The following PTK2B variants were observed in gnomAD, a reference collection of about 807,000 sequenced individuals.
PTK2B encodes protein tyrosine kinase 2 beta.
A neutral mutation model predicts 142.9 loss-of-function variants in PTK2B; 71 were observed. That is an observed-to-expected ratio of 0.50 (90% confidence interval 0.41 to 0.61). PTK2B has a LOEUF of 0.61. PTK2B is among the 20% of genes least tolerant of loss of function. PTK2B has a pLI of 0.00. For synonymous variants in PTK2B, 519 were observed against 503.4 expected, an observed-to-expected ratio of 1.03 and a Z score of -0.42; for missense variants, 1,105 against 1,320.4, an observed-to-expected ratio of 0.84 and a Z score of 2.53.
chr8:27,396,975 C>CGT (rs1808089102), intron 1 of PTK2B, among the ~76,000 whole-genome samples: 1 of 152,190 alleles, frequency 6.6e-6, no homozygotes, highest in East Asian at 1.9e-4. Flanking sequence ...AGCCTCCCAC[C>CGT]CTGAAAGTTT....
intron 22 of PTK2B, among the ~76,000 whole-genome samples, chr8:27,443,381 G>T (rs1325604144): frequency 1.3e-5 from 2 of 152,208 alleles, no homozygotes; most frequent in African/African-American, 4.8e-5. Context: ...CTGCCATTAG[G>T]TGGGTGGGTC....
chr8:27,441,467 T>C (rs1029431212), intron 21 of PTK2B, among the ~76,000 whole-genome samples: 2 of 152,230 alleles, frequency 1.3e-5, no homozygotes, highest in Admixed American at 1.3e-4. Context: ...ATACTGATTT[T>C]AAATACTGTA....
upstream of PTK2B, among the ~76,000 whole-genome samples, chr8:27,321,426 G>A (rs1297284786): frequency 6.6e-6 from 1 of 152,164 alleles, no homozygotes; most frequent in East Asian, 1.9e-4. Flanking sequence ...GTAACAGAAA[G>A]GCCAAAATAA....
chr8:27,379,695 G>C (rs1806896214), intron 1 of PTK2B, among the ~76,000 whole-genome samples: 1 of 152,194 alleles, frequency 6.6e-6, no homozygotes, highest in African/African-American at 2.4e-5. Flanking sequence ...GCACATGCAA[G>C]TTAATTTACG....
chr8:27,433,958 T>C, intron 11 of PTK2B, 135 bp from the exon 12 acceptor site: 1 of 1,244,078 alleles, frequency 8.0e-7, no homozygotes. Flanking sequence ...CCTCACTAGC[T>C]CCCAGGCTAG....
chr8:27,321,876 T>A (rs1803225167), upstream of PTK2B, among the ~76,000 whole-genome samples: 1 of 152,234 alleles, frequency 6.6e-6, no homozygotes, highest in South Asian at 2.1e-4. Flanking sequence ...ACTCAACTTA[T>A]TTTGGCCTCA....
chr8:27,380,553 T>A (rs1029189721), intron 1 of PTK2B: 4 of 152,126 alleles, frequency 2.6e-5, no homozygotes, highest in African/African-American at 9.7e-5. Flanking sequence ...TTTCTCTTTT[T>A]ACCCAAGCGC....
upstream of PTK2B, among the ~76,000 whole-genome samples, chr8:27,320,980 C>CTTTTTTTTCT (rs1803199805): frequency 2.5e-5 from 1 of 39,398 alleles, no homozygotes; most frequent in African/African-American, 1.0e-4. Context: ...ATACAAAAGG[C>CTTTTTTTTCT]TTTTTTTTTT....
At chr8:27,370,013 G>T (rs1806253890) in intron 1 of PTK2B, among the ~76,000 whole-genome samples, 1 of 152,206 alleles carries the variant, frequency 6.6e-6, no homozygotes, top group South Asian at 2.1e-4. Context: ...GAGATTATCA[G>T]AGCTGGTCCA....
At chr8:27,318,168 C>T (rs1044343150) in intron 3 of PTK2B, among the ~76,000 whole-genome samples, 1 of 152,176 alleles carries the variant, frequency 6.6e-6, no homozygotes, top group Non-Finnish European at 1.5e-5. Context: ...GTTTTGAGGG[C>T]TCTTGCACAT....
chr8:27,392,208 T>G (rs1807767952), intron 1 of PTK2B, among the ~76,000 whole-genome samples: 1 of 152,166 alleles, frequency 6.6e-6, no homozygotes, highest in South Asian at 2.1e-4. Flanking sequence ...TGTTCTCATC[T>G]CTTCCCAACT....
At chr8:27,381,629 T>C (rs1462594407) in intron 1 of PTK2B, among the ~76,000 whole-genome samples, 1 of 152,218 alleles carries the variant, frequency 6.6e-6, no homozygotes, top group African/African-American at 2.4e-5. Flanking sequence ...AGATATCTCT[T>C]TGACATAATG....
chr8:27,362,176 G>A (rs1416143393), intron 1 of PTK2B, among the ~76,000 whole-genome samples: 10 of 152,154 alleles, frequency 6.6e-5, no homozygotes, highest in Admixed American at 3.3e-4. Flanking sequence ...CATCATCCTG[G>A]AGGCAGGGCT....
At chr8:27,361,519 C>G (rs1002096106) in intron 1 of PTK2B, among the ~76,000 whole-genome samples, 1 of 152,142 alleles carries the variant, frequency 6.6e-6, no homozygotes, top group Non-Finnish European at 1.5e-5. Flanking sequence ...CCACCGCAGC[C>G]GGCCTGGATT....
chr8:27,348,653 T>C (rs948993724), intron 1 of PTK2B, among the ~76,000 whole-genome samples: 1 of 152,182 alleles, frequency 6.6e-6, no homozygotes, highest in Non-Finnish European at 1.5e-5. Flanking sequence ...CCAGAGATAG[T>C]GGCTCATCAT....
rs34857478 is a variant in PTK2B at position 27,391,080 on chromosome 8, C to CT, written c.-37-6454dup. On this transcript the variant is annotated intron_variant, in intron 1 of 30. Transcript: ENST00000346049. ...CTCTCTCTCAAATCAGGAACAGAAC[C>CT]TTTTTTTTTTTTTTCTTGAGGTGAA... 6.6e-3 allele frequency among the ~76,000 whole-genome samples: 943 copies of CT among 142,564 alleles called. 31 individuals carry two copies. In the East Asian group the frequency reaches 0.094, roughly 14 times the overall value. 93.5% of individuals were successfully genotyped at this position (142,564 alleles called of 152,430 possible).
intron 1 of PTK2B, among the ~76,000 whole-genome samples, chr8:27,362,800 C>A (rs1805793311): frequency 1.3e-5 from 2 of 152,194 alleles, no homozygotes; most frequent in South Asian, 4.1e-4. Flanking sequence ...CACGTGAAAT[C>A]TAGAACTTCT....
chr8:27,440,650 CAG>C (rs1385906763), intron 21 of PTK2B, among the ~76,000 whole-genome samples: 1 of 152,218 alleles, frequency 6.6e-6, no homozygotes, highest in African/African-American at 2.4e-5. Flanking sequence ...TCTGTCAACA[CAG>C]AGCACAGAGC....
chr8:27,440,128 G>C, intron 20 of PTK2B, 109 bp from the exon 21 acceptor site: 1 of 1,125,154 alleles, frequency 8.9e-7, no homozygotes, highest in Non-Finnish European at 1.3e-6. Context: ...GAGGAGGAGG[G>C]ACCGCAGGAG....
Sources: allele counts gnomAD v4.1 joint callset (sites outside exome capture counted in the v4.1 genomes callset), GRCh38; gene constraint gnomAD v4.1.1; transcripts MANE v1.5; gene names NCBI Gene and HGNC (gene_info 2026-07-23, HGNC 2026-07-21).